Variants in CNTNAP5 observed in about 807,000 individuals in gnomAD.
CNTNAP5 encodes contactin associated protein family member 5.
CNTNAP5 carries 72 observed loss-of-function variants against 150.2 expected under a neutral mutation model. That is an observed-to-expected ratio of 0.48 (90% CI 0.40 to 0.58). The LOEUF (loss-of-function observed/expected upper bound fraction) is 0.58, where lower values mean the gene tolerates loss of function less well. Among genes scored for constraint, CNTNAP5 ranks in the 20% least tolerant of loss-of-function variants. The pLI is 0.00. For synonymous variants in CNTNAP5, 672 were observed against 619.8 expected, an observed-to-expected ratio of 1.08 and a Z score of -1.25; for missense variants, 1,636 against 1,626.2, an observed-to-expected ratio of 1.01 and a Z score of -0.10.
chr2:124,099,512 T>G (rs2104694818), intron 1 of CNTNAP5, among the ~76,000 whole-genome samples: 1 of 152,322 alleles, frequency 6.6e-6, no homozygotes, highest in East Asian at 1.9e-4. Context: ...TATCAGACCC[T>G]GGGTATGGCA....
intron 8 of CNTNAP5, among the ~76,000 whole-genome samples, chr2:124,516,393 T>G (rs1694718141): frequency 6.6e-6 from 1 of 152,198 alleles, no homozygotes; most frequent in Admixed American, 6.5e-5. Context: ...GCCATTGAAT[T>G]GAGTTTTCTG....
intron 12 of CNTNAP5, among the ~76,000 whole-genome samples, chr2:124,626,481 C>T (rs1346323811): frequency 2.0e-5 from 3 of 152,168 alleles, no homozygotes; most frequent in Non-Finnish European, 1.5e-5. Flanking sequence ...AGTGGGTGTA[C>T]CTCCCCGCTG....
chr2:124,210,699 C>T (rs774880367), intron 1 of CNTNAP5, among the ~76,000 whole-genome samples: 34 of 152,128 alleles, frequency 2.2e-4, no homozygotes, highest in Non-Finnish European at 2.9e-4. Flanking sequence ...TGCTGTGACT[C>T]TCTTGCCCAA....
intron 3 of CNTNAP5, among the ~76,000 whole-genome samples, chr2:124,379,757 C>T (rs997278784): frequency 6.6e-6 from 1 of 152,098 alleles, no homozygotes; most frequent in Non-Finnish European, 1.5e-5. Context: ...TGGGATTTTG[C>T]TCCTGTCAGT....
chr2:124,353,158 C>T (rs1026749751), intron 3 of CNTNAP5, among the ~76,000 whole-genome samples: 5 of 151,956 alleles, frequency 3.3e-5, no homozygotes, highest in African/African-American at 7.3e-5. Flanking sequence ...TCAATGTAAG[C>T]GAATTCTTCT....
chr2:124,898,832 T>G (rs1678359678), intron 21 of CNTNAP5, among the ~76,000 whole-genome samples: 1 of 151,486 alleles, frequency 6.6e-6, no homozygotes, highest in Non-Finnish European at 1.5e-5. Flanking sequence ...AAGATTTTAC[T>G]ATTACTGCTA....
chr2:124,279,764 A>G (rs944869435), intron 3 of CNTNAP5, among the ~76,000 whole-genome samples: 1 of 152,088 alleles, frequency 6.6e-6, no homozygotes, highest in Non-Finnish European at 1.5e-5. Context: ...AGGAGTCACA[A>G]CCATTGCATT....
intron 10 of CNTNAP5, among the ~76,000 whole-genome samples, chr2:124,543,177 G>A (rs377173434): frequency 6.6e-6 from 1 of 152,288 alleles, no homozygotes; most frequent in African/African-American, 2.4e-5. Flanking sequence ...GCTAGCAAGA[G>A]TATTTTTGTT....
At chr2:124,115,162 A>C (rs1476101168) in intron 1 of CNTNAP5, among the ~76,000 whole-genome samples, 2 of 152,098 alleles carry the variant, frequency 1.3e-5, no homozygotes, top group African/African-American at 4.8e-5. Flanking sequence ...TTATTTTTTA[A>C]GGATGACATA....
intron 19 of CNTNAP5, among the ~76,000 whole-genome samples, chr2:124,842,894 T>C (rs1488643716): frequency 1.3e-5 from 2 of 151,714 alleles, no homozygotes; most frequent in African/African-American, 4.9e-5. Flanking sequence ...GAATATTCTC[T>C]CTCTTTTTAA....
intron 17 of CNTNAP5, among the ~76,000 whole-genome samples, chr2:124,789,566 C>T (rs1028316421): frequency 9.2e-5 from 14 of 152,148 alleles, no homozygotes; most frequent in African/African-American, 1.7e-4. Context: ...ACCCGACACC[C>T]TCAAGTAGGA....
chr2:124,670,960 A>G (rs1678811457), intron 13 of CNTNAP5, among the ~76,000 whole-genome samples: 1 of 152,172 alleles, frequency 6.6e-6, no homozygotes, highest in Non-Finnish European at 1.5e-5. Flanking sequence ...TTCCTAAGTC[A>G]GAGGTTAGTG....
intron 11 of CNTNAP5, among the ~76,000 whole-genome samples, chr2:124,587,917 G>A (rs1308410796): frequency 2.0e-5 from 3 of 152,016 alleles, no homozygotes; most frequent in Non-Finnish European, 4.4e-5. Context: ...TATATATAGA[G>A]ACTTAGGGTT....
At chr2:124,118,084 T>A (rs909771112) in intron 1 of CNTNAP5, among the ~76,000 whole-genome samples, 6 of 152,328 alleles carry the variant, frequency 3.9e-5, no homozygotes, top group Middle Eastern at 3.4e-3. Flanking sequence ...TATTTTTTTT[T>A]AAATGACACT....
At chr2:124,305,462 A>G (rs1688664553) in intron 3 of CNTNAP5, among the ~76,000 whole-genome samples, 2 of 152,202 alleles carry the variant, frequency 1.3e-5, no homozygotes, top group South Asian at 4.1e-4. Context: ...GAAAGTTGAA[A>G]GCAAGACCCT....
chr2:124,426,363 T>C (rs1197093365), intron 4 of CNTNAP5, among the ~76,000 whole-genome samples: 2 of 152,192 alleles, frequency 1.3e-5, no homozygotes, highest in Admixed American at 1.3e-4. Flanking sequence ...GGTGGAGGAA[T>C]CTGTGCAAAT....
chr2:124,194,721 A>G (rs908192537), intron 1 of CNTNAP5, among the ~76,000 whole-genome samples: 4 of 150,688 alleles, frequency 2.7e-5, no homozygotes, highest in Non-Finnish European at 5.9e-5. Context: ...TATTTTATAT[A>G]TAACCTTATA....
intron 3 of CNTNAP5, among the ~76,000 whole-genome samples, chr2:124,407,880 C>T (rs1015657994): frequency 6.6e-6 from 1 of 152,046 alleles, no homozygotes; most frequent in South Asian, 2.1e-4. Context: ...GGAGGAGGAG[C>T]CAAGATGGCC....
At position 124,527,278 on chromosome 2, in the gene CNTNAP5, C is replaced by G; in HGVS notation, c.1478-7C>G. The stretch of plus-strand genomic sequence containing the variant: ...ATTCTTCTTCATCTTTTTTCTCTGT[C>G]CCACAGGGTGCCCCGACAATCTCAC... On this transcript the variant is annotated splice_polypyrimidine_tract_variant and splice_region_variant and intron_variant, in intron 9 of 23. Transcript: ENST00000682447. 2 of 1,610,424 alleles carry G rather than the reference C, an allele frequency of 1.2e-6. No homozygotes were observed. Among genetic ancestry groups the G allele is most frequent in the Non-Finnish European group, 1.7e-6 (2 of 1,178,212 alleles).
Sources: gnomAD v4.1 joint callset for allele counts (sites outside exome capture counted in the v4.1 genomes callset) on GRCh38, gnomAD v4.1.1 for gene constraint, MANE v1.5 for transcripts, NCBI Gene and HGNC (gene_info 2026-07-23, HGNC 2026-07-21) for gene names.